Variants in PCDHGA7 observed in about 807,000 individuals in gnomAD.
The protein encoded by PCDHGA7 is protocadherin gamma subfamily A, 7.
In PCDHGA7, 44 loss-of-function variants were observed where a neutral mutation model predicts 58.3. The observed-to-expected ratio is 0.75, with a 90% CI of 0.59 to 0.97. The LOEUF is 0.97. Ranked by LOEUF, PCDHGA7 falls within the 50% of genes least tolerant of loss-of-function variation. The pLI is 0.00. For synonymous variants in PCDHGA7, 516 were observed against 504.2 expected, an observed-to-expected ratio of 1.02 and a Z score of -0.31; for missense variants, 1,266 against 1,188.7, an observed-to-expected ratio of 1.06 and a Z score of -0.96.
intron 1 of PCDHGA7, chr5:141,402,792 A>G (rs947158745): frequency 1.4e-5 from 14 of 1,008,956 alleles, no homozygotes; most frequent in Admixed American, 3.1e-5. Flanking sequence ...CTGCGGCTAC[A>G]CAAAACCCGG....
rs2099884522 is a variant in PCDHGA7, at chr5:141,512,941, T to C, written c.*1768T>C. On this transcript the variant is annotated 3_prime_UTR_variant, in exon 4 of 4. Transcript: ENST00000518325. ...CTAATATTTATATGGCTTTTTTTCT[T>C]CGACAAAAAAATAATAAAACGTTTC... The C allele has an allele frequency of 6.6e-6, 1 of 151,892 alleles. No individual in the cohort carries two copies. The highest frequency in any genetic ancestry group is 6.6e-5 in the Admixed American group (1 of 15,236). The allele number at this position is 151,892 out of a possible 1,614,324, so 9.4% of individuals were successfully genotyped here.
intron 1 of PCDHGA7, chr5:141,405,551 A>G: frequency 1.6e-6 from 1 of 623,672 alleles, no homozygotes; most frequent in Non-Finnish European, 2.8e-6. Context: ...TCCCAAGTAG[A>G]GTAGCTGGGA....
intron 1 of PCDHGA7, among the ~76,000 whole-genome samples, chr5:141,454,379 T>A (rs770736083): frequency 1.2e-3 from 179 of 152,316 alleles, no homozygotes; most frequent in Non-Finnish European, 2.1e-3. Flanking sequence ...TGGCAACTTG[T>A]CAAGATGAAG....
chr5:141,408,634 A>C, intron 1 of PCDHGA7: 2 of 1,614,040 alleles, frequency 1.2e-6, no homozygotes, highest in South Asian at 2.2e-5. Flanking sequence ...AAATTTTCGA[A>C]TCTGCATCCG....
chr5:141,454,281 A>C (rs1048947689), intron 1 of PCDHGA7, among the ~76,000 whole-genome samples: 2 of 152,242 alleles, frequency 1.3e-5, no homozygotes, highest in African/African-American at 4.8e-5. Context: ...AAAACTTCAC[A>C]TTAAAGGAAC....
intron 1 of PCDHGA7, chr5:141,408,974 G>A (rs899313364): frequency 6.2e-7 from 1 of 1,613,808 alleles, no homozygotes; most frequent in South Asian, 1.1e-5. Context: ...TCTGCCCCCT[G>A]GGTCCCCTGT....
rs1387152450 is a variant in PCDHGA7 at position 141,487,754 on chromosome 5, G to A, written c.2425-7053G>A. The A allele has an allele frequency of 1.3e-6, 2 of 1,552,036 alleles. No individual in the cohort carries two copies. Among genetic ancestry groups the A allele is most frequent in the Admixed American group, 3.9e-5 (2 of 50,970 alleles). ...CATTTTTGTAAGAGGTAACTATGTG[G>A]TAGACGCTGTGCTTTGTAACTGTTT... On this transcript the variant is annotated intron_variant, in intron 1 of 3. Transcript: ENST00000518325. This position sits in a 1 kb window ranked among gnomAD's most constrained non-coding sequence, Gnocchi z 5.0.
intron 1 of PCDHGA7, chr5:141,426,438 G>A (rs567163831): frequency 4.7e-5 from 14 of 300,110 alleles, no homozygotes; most frequent in Admixed American, 1.7e-4. Context: ...GGAACCTTGC[G>A]GAGGACATGC....
intron 1 of PCDHGA7, chr5:141,475,997 G>T: frequency 8.4e-7 from 1 of 1,184,406 alleles, no homozygotes; most frequent in Non-Finnish European, 1.2e-6. Flanking sequence ...CAAATCAACG[G>T]CATCCAGAAA....
intron 2 of PCDHGA7, among the ~76,000 whole-genome samples, chr5:141,498,618 G>A (rs191513899): frequency 1.3e-5 from 2 of 152,220 alleles, no homozygotes; most frequent in East Asian, 3.9e-4. Context: ...TCAGCACTGG[G>A]TCACACTGCC....
At chr5:141,401,076 G>T (rs1589429931) in intron 1 of PCDHGA7, among the ~76,000 whole-genome samples, 1 of 152,174 alleles carries the variant, frequency 6.6e-6, no homozygotes, top group Non-Finnish European at 1.5e-5. Context: ...GGGTGCAGTG[G>T]CTCATGCCTG....
At chr5:141,498,796 G>C (rs1160540093) in intron 2 of PCDHGA7, among the ~76,000 whole-genome samples, 1 of 152,032 alleles carries the variant, frequency 6.6e-6, no homozygotes, top group African/African-American at 2.4e-5. Context: ...AGCCAGGTGT[G>C]GTGGTGCACA....
At chr5:141,418,572 A>AC (rs752316020) in intron 1 of PCDHGA7, 2 of 1,613,794 alleles carry the variant, frequency 1.2e-6, no homozygotes, top group African/African-American at 1.3e-5. Context: ...GCCAATGACA[A>AC]CCCCCCAGTG....
chr5:141,458,171 A>G (rs548935841), intron 1 of PCDHGA7, among the ~76,000 whole-genome samples: 74 of 152,336 alleles, frequency 4.9e-4, no homozygotes, highest in African/African-American at 1.6e-3. Flanking sequence ...TCACAGTAGT[A>G]TACCTTACTT....
At position 141,505,394 on chromosome 5, in the gene PCDHGA7, T is replaced by C; in HGVS notation, c.2485T>C (p.Ser829Pro). 6.2e-7 allele frequency: 1 copy of C among 1,614,110 alleles called. No homozygotes were observed. The highest frequency in any genetic ancestry group is 8.5e-7 in the Non-Finnish European group (1 of 1,180,002). The part of the protein sequence containing the change: ...SQAQRPGTSG[S>P]QNGDDTGTWP... ...CTCACCATCCTACTCTCTCCCCAGC[T>C]CCCAAAATGGCGATGACACCGGCAC... Residue 829 changes from serine (S) to proline (P), a missense_variant and splice_region_variant, in exon 3 of 4, where the codon TCC becomes CCC. By Grantham distance (74) the Ser-to-Pro change is moderately conservative. Coordinates refer to ENST00000518325, the MANE Select transcript of PCDHGA7 (RefSeq NM_018920.4).
intron 2 of PCDHGA7, among the ~76,000 whole-genome samples, chr5:141,503,075 G>C (rs1373753092): frequency 6.6e-6 from 1 of 151,438 alleles, no homozygotes; most frequent in Non-Finnish European, 1.5e-5. Context: ...GAATGGTCTC[G>C]ATCTCCTGAC....
intron 1 of PCDHGA7, among the ~76,000 whole-genome samples, chr5:141,469,568 T>C (rs942597017): frequency 6.6e-6 from 1 of 152,184 alleles, no homozygotes. Flanking sequence ...AGTGAGACTC[T>C]GTCTCTAAAT....
At chr5:141,499,136 G>A (rs1488844131) in intron 2 of PCDHGA7, among the ~76,000 whole-genome samples, 1 of 152,100 alleles carries the variant, frequency 6.6e-6, no homozygotes, top group Non-Finnish European at 1.5e-5. Flanking sequence ...CATCCTTTGG[G>A]TGTCTGATCC....
rs2099661624 is a variant in PCDHGA7, at chr5:141,487,712, G to A, written c.2425-7095G>A. The stretch of plus-strand genomic sequence containing the variant: ...AGAGAGTACTGGCCTCTCAGTAAGT[G>A]CCCATAGTGATGTCACCATTTTTGT... On this transcript the variant is annotated intron_variant, in intron 1 of 3. Coordinates refer to ENST00000518325, the MANE Select transcript of PCDHGA7 (RefSeq NM_018920.4). The surrounding 1 kb of genome is among the most constrained non-coding windows in gnomAD (Gnocchi z 5.0). The A allele has an allele frequency of 5.0e-6, 8 of 1,585,892 alleles. No individual in the cohort carries two copies. The highest frequency in any genetic ancestry group is 1.1e-5 in the South Asian group (1 of 87,950).
Sources: allele counts gnomAD v4.1 joint callset (sites outside exome capture counted in the v4.1 genomes callset), GRCh38; gene constraint gnomAD v4.1.1; non-coding constraint Gnocchi (gnomAD v3.1); transcripts MANE v1.5; gene names NCBI Gene and HGNC (gene_info 2026-07-23, HGNC 2026-07-21).